VSIG1: variants seen among roughly 807,000 people sequenced by gnomAD.
VSIG1 encodes V-set and immunoglobulin domain-containing protein 1.
A neutral mutation model predicts 20.1 loss-of-function variants in VSIG1; 11 were observed. That is an observed-to-expected ratio of 0.55 (90% CI 0.34 to 0.91). VSIG1 has a LOEUF of 0.91. Among genes scored for constraint, VSIG1 ranks in the 40% least tolerant of loss-of-function variants. VSIG1 has a pLI of 0.02. For missense variants in VSIG1, 283 were observed against 298.8 expected (o/e 0.95, Z 0.39); for synonymous variants, 126 against 116.7 (o/e 1.08, Z -0.52).
rs2030987549 is a variant in VSIG1 at position 108,059,924 on chromosome X, G to A, written c.213+1723G>A. On this transcript the variant is annotated intron_variant, in intron 2 of 6. Coordinates refer to ENST00000217957, the MANE Select transcript of VSIG1 (RefSeq NM_182607.5). ...GATGTTCTCAACTGCCTGAAGGATGGGCAAGGCCACAAATTTTTATTTATG... is the reference window on the plus strand; with the variant it reads ...GATGTTCTCAACTGCCTGAAGGATGAGCAAGGCCACAAATTTTTATTTATG... Among the ~76,000 whole-genome samples the A allele has an allele frequency of 2.7e-5, 3 of 111,600 alleles. 1 individual carries two copies. The Admixed American group carries it at 2.9e-4, about 11-fold the overall frequency.
chrX:108,061,660 C>T, intron 2 of VSIG1: 1 of 537,937 alleles, frequency 1.9e-6, no homozygotes, highest in Non-Finnish European at 3.1e-6. Flanking sequence ...CAGCACAAGC[C>T]CCTGACAAAA....
intron 2 of VSIG1, chrX:108,061,544 A>G: frequency 1.7e-6 from 2 of 1,149,492 alleles, no homozygotes; most frequent in Non-Finnish European, 2.3e-6. Flanking sequence ...AGGTAAGAAC[A>G]CTTATTGGTG....
upstream of VSIG1, chrX:108,045,022 C>A: frequency 1.7e-6 from 1 of 597,076 alleles, no homozygotes; most frequent in Non-Finnish European, 2.4e-6. Flanking sequence ...TTGGCGATGC[C>A]CAGCAGATAA....
At chrX:108,073,531 T>C (rs2031294446) in intron 5 of VSIG1, 162 bp downstream of exon 5, 1 of 575,171 alleles carries the variant, frequency 1.7e-6, no homozygotes, top group Admixed American at 3.5e-5. Context: ...TCCTAATATC[T>C]AATGCTCACA....
In VSIG1 at chrX:108,077,276, A is replaced by C. The variant is rs2031369780; in HGVS notation, c.1059A>C (p.Glu353Asp). ...ACATCGAGCTGGAGCTGGAGCCAGA[A>C]ACGCAGTCGGAATTGGAGCCAGAGC... ...DLDIELELEPETQSELEPEPE... is the reference protein window; with the variant it reads ...DLDIELELEPDTQSELEPEPE... The change falls in exon 7 of 7, where the codon GAA becomes GAC. Residue 353 changes from glutamate to aspartate, a missense_variant. Physicochemically the swap from Glu to Asp is conservative, Grantham distance 45 (BLOSUM62 2). Coordinates refer to ENST00000217957, the MANE Select transcript of VSIG1 (RefSeq NM_182607.5). 8.3e-7 allele frequency: 1 copy of C among 1,210,419 alleles called. No individual in the cohort carries two copies. The highest frequency in any genetic ancestry group is 1.8e-5 in the South Asian group (1 of 56,848).
At chrX:108,051,644 G>A (rs192525384) in intron 1 of VSIG1, among the ~76,000 whole-genome samples, 63 of 111,514 alleles carry the variant, frequency 5.6e-4, no homozygotes, top group African/African-American at 2.0e-3. Context: ...CTGAGAAAAG[G>A]CAACTACTGC....
At chrX:108,036,051 C>T in the VSIG1 span, among the ~76,000 whole-genome samples, 124 of 97,942 alleles carry the variant, frequency 1.3e-3, no homozygotes, top group Middle Eastern at 4.8e-3. Flanking sequence ...TCAGCCAGGG[C>T]CTTATTGTCA....
chrX:108,068,278 A>C (rs748540842), intron 3 of VSIG1, among the ~76,000 whole-genome samples: 3 of 111,840 alleles, frequency 2.7e-5, no homozygotes, highest in Non-Finnish European at 5.6e-5. Context: ...TATCTTACTG[A>C]GTTCTGTGCC....
At chrX:108,071,917 AATC>A (rs2031255775) in intron 3 of VSIG1, among the ~76,000 whole-genome samples, 1 of 108,901 alleles carries the variant, frequency 9.2e-6, no homozygotes, top group African/African-American at 3.3e-5. Flanking sequence ...AAAAGAAAAT[AATC>A]ATGAGAGAAA....
At chrX:108,057,076 T>A (rs1007382096) in intron 1 of VSIG1, among the ~76,000 whole-genome samples, 2 of 112,246 alleles carry the variant, frequency 1.8e-5, no homozygotes, top group Non-Finnish European at 1.9e-5. Flanking sequence ...AACAAACTAC[T>A]GATACACACA....
At chrX:108,069,314 A>G (rs1472688300) in intron 3 of VSIG1, among the ~76,000 whole-genome samples, 1 of 111,755 alleles carries the variant, frequency 8.9e-6, no homozygotes, top group Non-Finnish European at 1.9e-5. Flanking sequence ...GGTAAGAGGC[A>G]GAAGGGTCTG....
chrX:108,028,238 G>A, the VSIG1 span, among the ~76,000 whole-genome samples: 5,169 of 111,144 alleles, frequency 0.047, 323 homozygotes, highest in African/African-American at 0.16. Flanking sequence ...CCTATTCACC[G>A]GGAGGAATTT....
chrX:108,063,160 C>A (rs941087704), intron 2 of VSIG1, among the ~76,000 whole-genome samples: 1 of 111,773 alleles, frequency 8.9e-6, no homozygotes, highest in African/African-American at 3.3e-5. Context: ...GGTGAACATA[C>A]TCAGCATGGG....
chrX:108,040,231 G>T (rs1278038099), upstream of VSIG1, among the ~76,000 whole-genome samples: 1 of 111,502 alleles, frequency 9.0e-6, no homozygotes, highest in Non-Finnish European at 1.9e-5. Context: ...GCAATTCACA[G>T]GGAAAGGAAT....
intron 3 of VSIG1, among the ~76,000 whole-genome samples, chrX:108,070,548 G>T (rs1372209531): frequency 8.9e-6 from 1 of 112,411 alleles, no homozygotes; most frequent in East Asian, 2.8e-4. Flanking sequence ...CCATAATTTA[G>T]TTCAAGTCCT....
chrX:108,057,651 C>G (rs1333192367), intron 1 of VSIG1, among the ~76,000 whole-genome samples: 2 of 111,851 alleles, frequency 1.8e-5, no homozygotes, highest in African/African-American at 3.3e-5. Context: ...GATTTTAAAA[C>G]TATAAGTCCC....
the VSIG1 span, among the ~76,000 whole-genome samples, chrX:108,031,354 A>G: frequency 8.9e-6 from 1 of 112,269 alleles, no homozygotes; most frequent in Middle Eastern, 4.6e-3. Flanking sequence ...GTGTGTGCCA[A>G]TCATTAATCA....
chrX:108,047,957 CACACATATATATATAT>C (rs1226332624), intron 1 of VSIG1, among the ~76,000 whole-genome samples: 4 of 25,890 alleles, frequency 1.5e-4, no homozygotes, highest in East Asian at 1.2e-3. Flanking sequence ...TATATATACA[CACACATATATATATAT>C]ATATATATAT....
At chrX:108,021,744 G>T in the VSIG1 span, among the ~76,000 whole-genome samples, 1 of 112,079 alleles carries the variant, frequency 8.9e-6, no homozygotes, top group Non-Finnish European at 1.9e-5. Flanking sequence ...GTGTGAAATA[G>T]GAGTAAAAAA....
Sources: gnomAD v4.1 joint callset for allele counts (sites outside exome capture counted in the v4.1 genomes callset) on GRCh38, gnomAD v4.1.1 for gene constraint, MANE v1.5 for transcripts, NCBI Gene and HGNC (gene_info 2026-07-23, HGNC 2026-07-21) for gene names.